Variants in FAM120B observed in about 807,000 individuals in gnomAD.
The protein encoded by FAM120B is family with sequence similarity 120 member B.
A neutral mutation model predicts 96.3 loss-of-function variants in FAM120B; 83 were observed. The ratio of observed to expected loss-of-function variants is 0.86; its 90% CI spans 0.72 to 1.03. FAM120B has a LOEUF of 1.03. Ranked by LOEUF, FAM120B falls within the 50% of genes least tolerant of loss-of-function variation. The pLI, the probability that FAM120B is intolerant of heterozygous loss-of-function variation, is 0.00. For synonymous variants in FAM120B, 407 were observed against 402.7 expected (o/e 1.01, Z -0.13); for missense variants, 1,027 against 1,121.2 (o/e 0.92, Z 1.20).
Position 170,295,541 on chromosome 6 carries a change from C to A in FAM120B, c.48+88C>A. ...GCAGGAGCGCGACCCCCGGCGCGGG[C>A]AGCTCTGCGCGAAGGTGGGCGACGG... is the stretch of plus-strand genomic sequence containing the variant. On this transcript the variant is annotated intron_variant, in intron 1 of 10. Transcript: ENST00000537664. This position sits in a 1 kb window ranked among gnomAD's most constrained non-coding sequence, Gnocchi z 7.8. The A allele has an allele frequency of 1.6e-6, 1 of 610,194 alleles. No individual in the cohort carries two copies. Among genetic ancestry groups the A allele is most frequent in the Non-Finnish European group, 2.9e-6 (1 of 347,186 alleles). 37.8% of individuals were successfully genotyped at this position (610,194 alleles called of 1,614,324 possible). A position where few individuals can be genotyped will look rare whatever the true frequency, so the allele number is the denominator to read the frequency against.
intron 9 of FAM120B, among the ~76,000 whole-genome samples, chr6:170,396,527 G>T (rs1301765914): frequency 6.6e-6 from 1 of 152,190 alleles, no homozygotes; most frequent in Non-Finnish European, 1.5e-5. Context: ...CAGGAATTTA[G>T]ATTTACATTT....
chr6:170,404,658 A>G (rs1265430495), intron 10 of FAM120B, 57 bp downstream of exon 10: 2 of 1,327,694 alleles, frequency 1.5e-6, no homozygotes, highest in East Asian at 2.3e-5. Context: ...TCTTAATAAC[A>G]TAAATCTTCC....
intron 6 of FAM120B, among the ~76,000 whole-genome samples, chr6:170,375,901 C>T (rs1451041809): frequency 6.6e-6 from 1 of 152,088 alleles, no homozygotes; most frequent in African/African-American, 2.4e-5. Flanking sequence ...GAGGTAAGAA[C>T]AAGGGAAGGA....
chr6:170,368,821 G>GGA (rs1004039036), intron 6 of FAM120B, among the ~76,000 whole-genome samples: 7 of 20,302 alleles, frequency 3.4e-4, no homozygotes, highest in Non-Finnish European at 9.0e-4. Context: ...TGCCGGGGCT[G>GGA]GGGGGGGGGC....
At chr6:170,372,498 G>A (rs1021491611) in intron 6 of FAM120B, among the ~76,000 whole-genome samples, 67 of 152,276 alleles carry the variant, frequency 4.4e-4, no homozygotes, top group African/African-American at 1.4e-3. Flanking sequence ...GAATGTGAGC[G>A]CGTTCTTAGA....
intron 9 of FAM120B, among the ~76,000 whole-genome samples, chr6:170,398,440 G>T (rs1778327241): frequency 6.6e-6 from 1 of 152,002 alleles, no homozygotes; most frequent in Non-Finnish European, 1.5e-5. Context: ...AGTGAGAAAG[G>T]TAGAACTATG....
At chr6:170,371,089 C>G (rs892729198) in intron 6 of FAM120B, among the ~76,000 whole-genome samples, 3 of 152,160 alleles carry the variant, frequency 2.0e-5, no homozygotes, top group African/African-American at 7.2e-5. Flanking sequence ...AATTTTAGAA[C>G]CTTTTTGTCA....
chr6:170,381,606 A>G (rs1279577428), intron 6 of FAM120B, among the ~76,000 whole-genome samples: 1 of 152,172 alleles, frequency 6.6e-6, no homozygotes, highest in African/African-American at 2.4e-5. Context: ...TCCCTTTTGA[A>G]TGTAGGTACA....
Position 170,330,475 on chromosome 6 carries a change from A to C in FAM120B, c.1942A>C (p.Lys648Gln). Reference sequence around the variant, plus strand: ...TGTCACCAGCACCTGCCTAGCTGTCAAGGAGTGGTTTGTGTATCCTGGGAA... The same window carrying C: ...TGTCACCAGCACCTGCCTAGCTGTCCAGGAGTGGTTTGTGTATCCTGGGAA... ...QDVTSTCLAV[K>Q]EWFVYPGNPL... The change falls in exon 4 of 11, where the codon AAG becomes CAG. Residue 648 changes from lysine (K) to glutamine (Q), a missense_variant. Lys to Gln is a moderately conservative substitution (Grantham distance 53). Around this residue, in one of 3 missense-constraint regions of FAM120B, gnomAD observed 880 missense variants for 980.9 expected, o/e 0.90. Coordinates refer to ENST00000476287, the MANE Select transcript of FAM120B (RefSeq NM_032448.3). The C allele has an allele frequency of 6.2e-7, 1 of 1,614,118 alleles. No individual in the cohort carries two copies. Among genetic ancestry groups the C allele is most frequent in the Non-Finnish European group, 8.5e-7 (1 of 1,180,006 alleles).
chr6:170,381,673 C>T (rs1470046730), intron 6 of FAM120B, among the ~76,000 whole-genome samples: 1 of 152,018 alleles, frequency 6.6e-6, no homozygotes, highest in Non-Finnish European at 1.5e-5. Context: ...TACACTATGA[C>T]CAAGTGGCTG....
At chr6:170,312,268 A>G (rs1454401828) in intron 1 of FAM120B, among the ~76,000 whole-genome samples, 1 of 152,168 alleles carries the variant, frequency 6.6e-6, no homozygotes, top group African/African-American at 2.4e-5. Flanking sequence ...TTTTTTACAA[A>G]TTAATATATT....
At chr6:170,378,255 A>G (rs1229018493) in intron 6 of FAM120B, among the ~76,000 whole-genome samples, 2 of 152,152 alleles carry the variant, frequency 1.3e-5, no homozygotes, top group African/African-American at 4.8e-5. Context: ...GCTGTAGCAC[A>G]TCTGATCTAA....
intron 8 of FAM120B, among the ~76,000 whole-genome samples, chr6:170,392,899 T>C (rs977382816): frequency 3.9e-5 from 6 of 152,188 alleles, no homozygotes; most frequent in Non-Finnish European, 8.8e-5. Context: ...TCTTTTGACT[T>C]TCTGCCACCA....
At chr6:170,344,384 C>T (rs1033080051) in intron 4 of FAM120B, among the ~76,000 whole-genome samples, 9 of 107,084 alleles carry the variant, frequency 8.4e-5, no homozygotes, top group African/African-American at 2.0e-4. Context: ...CCGTTGCCTG[C>T]GGTGCTAGCC....
At chr6:170,358,364 G>T in intron 6 of FAM120B, 46 bp downstream of exon 6, 3 of 1,319,366 alleles carry the variant, frequency 2.3e-6, no homozygotes, top group Non-Finnish European at 3.2e-6. Context: ...AGACAGCTGT[G>T]CAGTCCAGCC....
At chr6:170,404,481 G>A (rs778957868) in intron 9 of FAM120B, 69 bp from the exon 10 acceptor site, 25 of 1,350,824 alleles carry the variant, frequency 1.9e-5, no homozygotes, top group Non-Finnish European at 2.2e-5. Flanking sequence ...TTAGAAATGT[G>A]CAGCATTCTT....
intron 1 of FAM120B, among the ~76,000 whole-genome samples, chr6:170,307,959 C>T (rs1480932641): frequency 1.3e-5 from 2 of 152,190 alleles, no homozygotes; most frequent in African/African-American, 4.8e-5. Flanking sequence ...GTCCTAACCA[C>T]CATCTCCTGA....
intron 6 of FAM120B, among the ~76,000 whole-genome samples, chr6:170,383,385 G>A (rs2115295878): frequency 6.6e-6 from 1 of 152,270 alleles, no homozygotes; most frequent in Admixed American, 6.5e-5. Flanking sequence ...CCTACTGCCA[G>A]GGAGAAAATA....
chr6:170,293,014 A>G (rs1783920155), upstream of FAM120B, among the ~76,000 whole-genome samples: 1 of 152,244 alleles, frequency 6.6e-6, no homozygotes, highest in East Asian at 1.9e-4. Flanking sequence ...TTTGGACTCT[A>G]TAGGGACTTG....
Sources: gnomAD v4.1 joint callset for allele counts (sites outside exome capture counted in the v4.1 genomes callset) on GRCh38, gnomAD v4.1.1 for gene constraint, gnomAD v4.1.1 regional missense constraint, Gnocchi (gnomAD v3.1) non-coding constraint, MANE v1.5 for transcripts, NCBI Gene and HGNC (gene_info 2026-07-23, HGNC 2026-07-21) for gene names.